BCAR3: variants seen among roughly 807,000 people sequenced by gnomAD.
BCAR3 encodes the protein BCAR3 adaptor protein, NSP family member.
A neutral mutation model predicts 80.1 loss-of-function variants in BCAR3; 37 were observed. The observed-to-expected ratio is 0.46, with a 90% CI of 0.36 to 0.61. The LOEUF (loss-of-function observed/expected upper bound fraction) is 0.61, where lower values mean the gene tolerates loss of function less well. BCAR3 is among the 20% of genes least tolerant of loss of function. The probability of loss-of-function intolerance (pLI) is 0.00; values close to 1 mark genes in which losing one functional copy is unlikely to be tolerated. For missense variants in BCAR3, 978 were observed against 1,068.2 expected (o/e 0.92, Z 1.18); for synonymous variants, 389 against 418.9 (o/e 0.93, Z 0.87).
intron 2 of BCAR3, among the ~76,000 whole-genome samples, chr1:93,647,068 A>C (rs529299922): frequency 6.6e-6 from 1 of 152,338 alleles, no homozygotes; most frequent in African/African-American, 2.4e-5. Context: ...TAATGTTCTT[A>C]TTAAAGGTAA....
chr1:93,629,799 A>G (rs1253235025), intron 3 of BCAR3, among the ~76,000 whole-genome samples: 2 of 152,232 alleles, frequency 1.3e-5, no homozygotes, highest in Non-Finnish European at 2.9e-5. Flanking sequence ...TGCCAGAACT[A>G]CACTTTTAAA....
chr1:93,709,854 C>T (rs1443501209), intron 2 of BCAR3, among the ~76,000 whole-genome samples: 5 of 152,178 alleles, frequency 3.3e-5, no homozygotes, highest in Non-Finnish European at 7.4e-5. Flanking sequence ...GAATGTATCT[C>T]CTTGATGGAT....
intron 3 of BCAR3, among the ~76,000 whole-genome samples, chr1:93,689,403 C>T (rs1051070867): frequency 7.2e-5 from 11 of 151,968 alleles, no homozygotes; most frequent in East Asian, 1.9e-4. Flanking sequence ...TGGTGGCACG[C>T]GTCTGTAGTC....
intron 2 of BCAR3, among the ~76,000 whole-genome samples, chr1:93,668,111 T>C (rs1648014272): frequency 6.6e-6 from 1 of 152,008 alleles, no homozygotes; most frequent in African/African-American, 2.4e-5. Flanking sequence ...AAAAACATGA[T>C]TTAAAACAGG....
At chr1:93,769,417 G>C (rs918198353) in intron 2 of BCAR3, among the ~76,000 whole-genome samples, 25 of 149,910 alleles carry the variant, frequency 1.7e-4, no homozygotes, top group African/African-American at 6.2e-4. Flanking sequence ...GTCAAGGAGC[G>C]GGGTGGAGAA....
In BCAR3 at chr1:93,623,200, C is replaced by T. The variant is rs561399693; in HGVS notation, c.357+19104G>A. 9.2e-5 allele frequency among the ~76,000 whole-genome samples: 14 copies of T among 151,822 alleles called. 1 individual carries two copies. Among genetic ancestry groups the T allele is most frequent in the South Asian group, 4.2e-4 (2 of 4,804 alleles). ...GACTTGAAAAGATTTTCTTTTTTTT[C>T]GCAAAACTTAGCATTCATGTCTCAA... On this transcript the variant is annotated intron_variant, in intron 3 of 11. Coordinates refer to ENST00000260502, the MANE Select transcript of BCAR3 (RefSeq NM_003567.4).
chr1:93,784,767 A>G (rs1652883056), intron 2 of BCAR3, among the ~76,000 whole-genome samples: 1 of 152,244 alleles, frequency 6.6e-6, no homozygotes, highest in African/African-American at 2.4e-5. Flanking sequence ...CATTAGGAAT[A>G]TTGAGAATTG....
chr1:93,808,713 TA>T (rs202234707), intron 2 of BCAR3, among the ~76,000 whole-genome samples: 1,638 of 151,666 alleles, frequency 0.011, 32 homozygotes, highest in African/African-American at 0.038. Context: ...TAGAATCAGT[TA>T]AAAAAAATAG....
chr1:93,719,083 A>G (rs1380806715), intron 2 of BCAR3, among the ~76,000 whole-genome samples: 3 of 151,838 alleles, frequency 2.0e-5, no homozygotes, highest in African/African-American at 7.3e-5. Context: ...CCACCAATAG[A>G]GTTGCAGGTT....
At chr1:93,643,071 T>G (rs1676035362) in intron 2 of BCAR3, among the ~76,000 whole-genome samples, 1 of 149,378 alleles carries the variant, frequency 6.7e-6, no homozygotes, top group Non-Finnish European at 1.5e-5. Flanking sequence ...CTACTAAAAA[T>G]ACAAAATTAG....
At chr1:93,782,320 C>T (rs139634182) in intron 2 of BCAR3, among the ~76,000 whole-genome samples, 2 of 152,302 alleles carry the variant, frequency 1.3e-5, no homozygotes, top group East Asian at 3.9e-4. Context: ...TTCAGCTTTG[C>T]CCCATTTTTG....
chr1:93,836,972 C>T lies in BCAR3; in HGVS notation c.-63+8595G>A, dbSNP rs111800499. 7.4e-4 allele frequency among the ~76,000 whole-genome samples: 113 copies of T among 152,212 alleles called. 1 individual carries two copies. The highest frequency in any genetic ancestry group is 2.2e-3 in the African/African-American group (90 of 41,486). On this transcript the variant is annotated intron_variant, in intron 2 of 13. Transcript: ENST00000370244. ...CAAATCCTATAAAACTGCCCCACCC[C>T]ATCTCCCTTCGCTGACTCTCTTTTC...
At chr1:93,838,733 T>C (rs901893314) in intron 2 of BCAR3, among the ~76,000 whole-genome samples, 3 of 152,124 alleles carry the variant, frequency 2.0e-5, no homozygotes, top group Admixed American at 6.5e-5. Context: ...AGTAAATAAT[T>C]TGCATTCAAG....
At chr1:93,780,372 C>G (rs1253028333) in intron 2 of BCAR3, among the ~76,000 whole-genome samples, 2 of 152,184 alleles carry the variant, frequency 1.3e-5, no homozygotes, top group Non-Finnish European at 2.9e-5. Context: ...CACTCCAACT[C>G]TTAACATCAC....
At chr1:93,777,931 A>C (rs569568585) in intron 2 of BCAR3, among the ~76,000 whole-genome samples, 2 of 152,188 alleles carry the variant, frequency 1.3e-5, no homozygotes, top group African/African-American at 4.8e-5. Context: ...ACATCATTAT[A>C]AACTTGTGAA....
At chr1:93,698,720 A>G (rs1283149144) in intron 3 of BCAR3, among the ~76,000 whole-genome samples, 1 of 152,196 alleles carries the variant, frequency 6.6e-6, no homozygotes, top group African/African-American at 2.4e-5. Flanking sequence ...AGCCTTTAGC[A>G]TCAACCTTCG....
intron 2 of BCAR3, among the ~76,000 whole-genome samples, chr1:93,732,728 A>C (rs530665297): frequency 4.6e-5 from 7 of 152,248 alleles, no homozygotes; most frequent in Non-Finnish European, 1.0e-4. Flanking sequence ...GGGAGATCCC[A>C]CCGTCCTTCA....
chr1:93,789,286 C>T (rs7546315), intron 2 of BCAR3, among the ~76,000 whole-genome samples: 21,595 of 152,218 alleles, frequency 0.14, 2,513 homozygotes, highest in African/African-American at 0.31. Context: ...TATTAAAATA[C>T]TGTCTTTTGG....
intron 2 of BCAR3, among the ~76,000 whole-genome samples, chr1:93,830,061 A>G (rs539279342): frequency 7.2e-5 from 11 of 152,298 alleles, no homozygotes; most frequent in African/African-American, 2.6e-4. Context: ...GCCTTCCACC[A>G]TATTTGTAAG....
Sources: allele counts gnomAD v4.1 joint callset (sites outside exome capture counted in the v4.1 genomes callset), GRCh38; gene constraint gnomAD v4.1.1; transcripts MANE v1.5; gene names NCBI Gene and HGNC (gene_info 2026-07-23, HGNC 2026-07-21).